The following SULT2B1 variants were observed in gnomAD, a reference collection of about 807,000 sequenced individuals.
SULT2B1 encodes the protein sulfotransferase 2B1.
Under a neutral mutation model 33.2 loss-of-function variants are expected in SULT2B1, and 16 were observed. The ratio of observed to expected loss-of-function variants is 0.48; its 90% CI spans 0.33 to 0.73. SULT2B1 has a LOEUF of 0.73. Ranked by LOEUF, SULT2B1 falls within the 30% of genes least tolerant of loss-of-function variation. SULT2B1 has a pLI of 0.02. For missense variants in SULT2B1, 500 were observed against 506.0 expected, an observed-to-expected ratio of 0.99 and a Z score of 0.11; for synonymous variants, 186 against 200.5, an observed-to-expected ratio of 0.93 and a Z score of 0.61.
chr19:48,552,334 G>C lies in SULT2B1; in HGVS notation c.71+11G>C. On this transcript the variant is annotated intron_variant, in intron 1 of 6. Coordinates refer to ENST00000201586, the MANE Select transcript of SULT2B1 (RefSeq NM_177973.2). This position sits in a 1 kb window ranked among gnomAD's most constrained non-coding sequence, Gnocchi z 4.8. ...CATCTCGGAAATCAGGTGAGGCCCA[G>C]ACCTGGGCAGGAGCCAGGAGATCCC... is the stretch of plus-strand genomic sequence containing the variant. 6.2e-7 allele frequency: 1 copy of C among 1,613,698 alleles called. No individual in the cohort carries two copies. Among genetic ancestry groups the C allele is most frequent in the Non-Finnish European group, 8.5e-7 (1 of 1,179,812 alleles).
chr19:48,591,764 G>A lies in SULT2B1; in HGVS notation c.550+29G>A, dbSNP rs1348775355. The A allele has an allele frequency of 5.8e-6, 9 of 1,541,698 alleles. No individual in the cohort carries two copies. The Middle Eastern group carries it at 5.1e-4, about 87-fold the overall frequency. ...GGGACAGGGTAAAGCGGGGCAGGAG[G>A]GGTGGGGAGGAGCCCCAGAGGACCC... On this transcript the variant is annotated intron_variant, in intron 4 of 6. Transcript: ENST00000201586.
At chr19:48,584,684 C>G (rs531160289) in intron 2 of SULT2B1, among the ~76,000 whole-genome samples, 1 of 152,172 alleles carries the variant, frequency 6.6e-6, no homozygotes, top group Non-Finnish European at 1.5e-5. Context: ...GCAGGAGGAT[C>G]GCTAGAGGCC....
rs1412236729 is a variant in SULT2B1 at position 48,587,399 on chromosome 19, C to G, written c.385C>G (p.Gln129Glu). ...CCTCATGAGCTCCCATCTTCCCATC[C>G]AGATCTTCACCAAGGCCTTCTTCAG... ...PRLMSSHLPI[Q>E]IFTKAFFSSK... Residue 129 changes from glutamine (Q) to glutamate (E), a missense_variant, in exon 3 of 7, where the codon CAG (glutamine) becomes GAG (glutamate). Gln to Glu is a conservative substitution (Grantham distance 29). Coordinates refer to ENST00000201586, the MANE Select transcript of SULT2B1 (RefSeq NM_177973.2). 1 of 1,614,020 alleles carries G rather than the reference C, an allele frequency of 6.2e-7. No homozygotes were observed. Among genetic ancestry groups the G allele is most frequent in the Non-Finnish European group, 8.5e-7 (1 of 1,179,998 alleles).
At chr19:48,565,168 C>T (rs565320543) in intron 1 of SULT2B1, among the ~76,000 whole-genome samples, 3 of 151,910 alleles carry the variant, frequency 2.0e-5, no homozygotes, top group Non-Finnish European at 2.9e-5. Flanking sequence ...TCAGATGACC[C>T]GCCTCCGTAG....
In SULT2B1 at chr19:48,591,608, G is replaced by C; in HGVS notation, c.424-1G>C. The C allele has an allele frequency of 1.2e-6, 2 of 1,611,710 alleles. No homozygotes were observed. The highest frequency in any genetic ancestry group is 1.7e-6 in the Non-Finnish European group (2 of 1,178,514). ...CCCCTCTCCTCACCATCCGCACACA[G>C]GTGATCTACATGGGCCGCAACCCCC... On this transcript the variant is annotated splice_acceptor_variant, in intron 3 of 6. Coordinates refer to ENST00000201586, the MANE Select transcript of SULT2B1 (RefSeq NM_177973.2). LOFTEE classifies it high-confidence loss of function.
At chr19:48,589,736 C>G (rs1028802533) in intron 3 of SULT2B1, among the ~76,000 whole-genome samples, 2 of 152,158 alleles carry the variant, frequency 1.3e-5, no homozygotes, top group African/African-American at 4.8e-5. Flanking sequence ...CCAAGGTGAG[C>G]AGTTGATTGA....
At chr19:48,579,498 G>A (rs1973456261) in intron 2 of SULT2B1, among the ~76,000 whole-genome samples, 1 of 151,614 alleles carries the variant, frequency 6.6e-6, no homozygotes, top group South Asian at 2.1e-4. Context: ...TAGCCAGGAT[G>A]CTCTCCATCT....
At chr19:48,593,492 C>A (rs538224851) in intron 5 of SULT2B1, among the ~76,000 whole-genome samples, 1 of 151,896 alleles carries the variant, frequency 6.6e-6, no homozygotes, top group African/African-American at 2.4e-5. Flanking sequence ...GTGGAGGTTG[C>A]AGTGGGCTGA....
chr19:48,599,193 T>G lies in SULT2B1; in HGVS notation c.885T>G (p.Arg295=), dbSNP rs1173364937. ...TGGCCCAGAGCGAAGCCTTCGATCGTGCCTACCGCAAGCAGATGCGGGGGA... is the reference window on the plus strand; with the variant it reads ...TGGCCCAGAGCGAAGCCTTCGATCGGGCCTACCGCAAGCAGATGCGGGGGA... ...FTVAQSEAFD[R]AYRKQMRGMP... Residue 295 remains arginine, a synonymous_variant, in exon 7 of 7, where the codon CGT becomes CGG. Transcript: ENST00000201586. This position sits in a 1 kb window ranked among gnomAD's most constrained non-coding sequence, Gnocchi z 4.1. 2.5e-6 allele frequency: 4 copies of G among 1,604,242 alleles called. No individual in the cohort carries two copies. The highest frequency in any genetic ancestry group is 8.5e-7 in the Non-Finnish European group (1 of 1,177,490).
rs538403199 is a variant in SULT2B1 at position 48,554,878 on chromosome 19, C to T, written c.71+2555C>T. Among the ~76,000 whole-genome samples the T allele has an allele frequency of 7.9e-5, 12 of 151,748 alleles. No individual in the cohort carries two copies. The South Asian group carries it at 2.1e-3, about 26-fold the overall frequency. ...GTTGAGTAACTTGCCTAGGGTCACA[C>T]AGCTGCCAAGCAGGGCACGGCCAGG... On this transcript the variant is annotated intron_variant, in intron 1 of 6. Coordinates refer to ENST00000201586, the MANE Select transcript of SULT2B1 (RefSeq NM_177973.2).
rs557205659 is a variant in SULT2B1, at chr19:48,584,569, C to A, written c.215-2660C>A. Reference sequence around the variant, plus strand: ...AGAGGCATGAAGTTGGAGCCACCAGCCTGTAAACTGATAACTGGTACAAGG... The same window carrying A: ...AGAGGCATGAAGTTGGAGCCACCAGACTGTAAACTGATAACTGGTACAAGG... On this transcript the variant is annotated intron_variant, in intron 2 of 6. Coordinates refer to ENST00000201586, the MANE Select transcript of SULT2B1 (RefSeq NM_177973.2). Among the ~76,000 whole-genome samples the A allele has an allele frequency of 1.0e-3, 158 of 152,200 alleles. 2 individuals carry two copies. Among genetic ancestry groups the A allele is most frequent in the Non-Finnish European group, 2.6e-4 (18 of 68,036 alleles).
chr19:48,587,296 C>T lies in SULT2B1; in HGVS notation c.282C>T (p.Ser94=), dbSNP rs866043519. 15 of 1,613,894 alleles carry T rather than the reference C, an allele frequency of 9.3e-6. No homozygotes were observed. Among genetic ancestry groups the T allele is most frequent in the Admixed American group, 8.3e-5 (5 of 59,952 alleles). Residue 94 remains serine (S), a synonymous_variant, in exon 3 of 7, where the codon TCC becomes TCT. Coordinates refer to ENST00000201586, the MANE Select transcript of SULT2B1 (RefSeq NM_177973.2). ...LKEGDPSWIR[S]VPIWERAPWC... ...AAGGGGATCCATCCTGGATCCGCTC[C>T]GTGCCCATCTGGGAGCGGGCACCCT...
intron 1 of SULT2B1, among the ~76,000 whole-genome samples, chr19:48,574,119 C>A (rs1973369622): frequency 1.3e-5 from 2 of 152,182 alleles, no homozygotes; most frequent in African/African-American, 4.8e-5. Context: ...GTCTTGGCCT[C>A]CCAAAGTGCT....
intron 1 of SULT2B1, among the ~76,000 whole-genome samples, chr19:48,574,890 A>G (rs954817806): frequency 6.6e-6 from 1 of 152,076 alleles, no homozygotes; most frequent in African/African-American, 2.4e-5. Flanking sequence ...TTCCGCGCCC[A>G]CGCTCAACCT....
At chr19:48,560,311 A>T (rs958909777) in intron 1 of SULT2B1, among the ~76,000 whole-genome samples, 1 of 152,084 alleles carries the variant, frequency 6.6e-6, no homozygotes, top group Non-Finnish European at 1.5e-5. Flanking sequence ...CTGTGTGGGG[A>T]TGAGCTCACT....
Position 48,591,668 on chromosome 19 carries a change from G to C in SULT2B1, c.483G>C (p.Lys161Asn). ...DVVVSLYHYSKIAGQLKDPGT... is the reference protein window; with the variant it reads ...DVVVSLYHYSNIAGQLKDPGT... The stretch of plus-strand genomic sequence containing the variant: ...TGGTCTCCCTCTATCATTACTCCAA[G>C]ATCGCCGGGCAGTTAAAGGACCCGG... Residue 161 changes from lysine to asparagine, a missense_variant, in exon 4 of 7, where the codon AAG becomes AAC. Lys to Asn is a moderately conservative substitution (Grantham distance 94). Coordinates refer to ENST00000201586, the MANE Select transcript of SULT2B1 (RefSeq NM_177973.2). 6.2e-7 allele frequency: 1 copy of C among 1,613,588 alleles called. No homozygotes were observed. The highest frequency in any genetic ancestry group is 8.5e-7 in the Non-Finnish European group (1 of 1,179,730).
At position 48,592,770 on chromosome 19, in the gene SULT2B1, A is replaced by C; in HGVS notation, c.599A>C (p.Lys200Thr). The change falls in exon 5 of 7, where the codon AAG becomes ACG. Residue 200 changes from lysine (K) to threonine (T), a missense_variant. By Grantham distance (78) the Lys-to-Thr change is moderately conservative. Coordinates refer to ENST00000201586, the MANE Select transcript of SULT2B1 (RefSeq NM_177973.2). ...CACATTAAGGGCTGGCTTCGGATGA[A>C]GGGCAAAGACAACTTCCTATTTATC... ...FDHIKGWLRM[K>T]GKDNFLFITY... is the part of the protein sequence containing the mutation. 1 of 1,596,860 alleles carries C rather than the reference A, an allele frequency of 6.3e-7. No homozygotes were observed. The highest frequency in any genetic ancestry group is 8.5e-7 in the Non-Finnish European group (1 of 1,171,292).
chr19:48,571,440 G>A (rs1328241181), intron 1 of SULT2B1, among the ~76,000 whole-genome samples: 3 of 151,282 alleles, frequency 2.0e-5, no homozygotes, highest in Admixed American at 6.6e-5. Context: ...CAGGTGATCC[G>A]CCCACCTCAG....
At chr19:48,562,330 G>A (rs1420160572) in intron 1 of SULT2B1, among the ~76,000 whole-genome samples, 1 of 151,950 alleles carries the variant, frequency 6.6e-6, no homozygotes, top group Admixed American at 6.6e-5. Flanking sequence ...GGAGGTTGCA[G>A]TGAGCTGAGA....
Sources: allele counts gnomAD v4.1 joint callset (sites outside exome capture counted in the v4.1 genomes callset), GRCh38; gene constraint gnomAD v4.1.1; non-coding constraint Gnocchi (gnomAD v3.1); transcripts MANE v1.5; gene names NCBI Gene and HGNC (gene_info 2026-07-23, HGNC 2026-07-21).